The following CDH18 variants were observed in gnomAD, a reference collection of about 807,000 sequenced individuals.
CDH18 encodes cadherin-18.
In CDH18, 31 loss-of-function variants were observed where a neutral mutation model predicts 67.9. That is an observed-to-expected ratio of 0.46 (90% CI 0.34 to 0.62). The LOEUF is 0.62. Ranked by LOEUF, CDH18 falls within the 20% of genes least tolerant of loss-of-function variation. The pLI, the probability that CDH18 is intolerant of heterozygous loss-of-function variation, is 0.01. For synonymous variants in CDH18, 362 were observed against 347.2 expected, an observed-to-expected ratio of 1.04 and a Z score of -0.48; for missense variants, 890 against 975.5, an observed-to-expected ratio of 0.91 and a Z score of 1.17.
At chr5:19,875,438 A>C (rs200314753) in intron 2 of CDH18, among the ~76,000 whole-genome samples, 394 of 116,942 alleles carry the variant, frequency 3.4e-3, no homozygotes, top group African/African-American at 6.4e-3. Context: ...ATAGATAGAT[A>C]GATCGATCGA....
chr5:20,390,024 C>T (rs997574222), intron 1 of CDH18, among the ~76,000 whole-genome samples: 1 of 152,086 alleles, frequency 6.6e-6, no homozygotes, highest in Admixed American at 6.5e-5. Flanking sequence ...AGATCTAAAA[C>T]CATAAAAACC....
At chr5:19,608,981 T>C (rs1041440405) in intron 6 of CDH18, among the ~76,000 whole-genome samples, 1 of 151,952 alleles carries the variant, frequency 6.6e-6, no homozygotes, top group Non-Finnish European at 1.5e-5. Context: ...TAAACTTTCA[T>C]GTAAGGTATT....
chr5:20,478,847 GA>G (rs765396996), intron 1 of CDH18, among the ~76,000 whole-genome samples: 54 of 152,254 alleles, frequency 3.5e-4, no homozygotes, highest in Non-Finnish European at 6.8e-4. Context: ...CAGTCCCAGT[GA>G]TGATGGCCAC....
Position 19,503,040 on chromosome 5 carries a change from C to T in CDH18, c.1582G>A (p.Asp528Asn), listed in dbSNP as rs762170759. 6.2e-7 allele frequency: 1 copy of T among 1,612,904 alleles called. No individual in the cohort carries two copies. Among genetic ancestry groups the T allele is most frequent in the Middle Eastern group, 1.7e-4 (1 of 6,058 alleles). Reference sequence around the variant, plus strand: ...TTTGGATTTACAGGCAGGCGTTCATCAAGAAAGAAGTTAAACCTTGGTCCA... The same window carrying T: ...TTTGGATTTACAGGCAGGCGTTCATTAAGAAAGAAGTTAAACCTTGGTCCA... ...ANGPRFNFFLDERLPVNPNFT... is the reference protein window; with the variant it reads ...ANGPRFNFFLNERLPVNPNFT... Residue 528 changes from aspartate to asparagine, a missense_variant, in exon 11 of 13, where the codon GAT (aspartate) becomes AAT (asparagine). This residue lies in a region of CDH18 where 656 missense variants were observed against 668.1 expected (regional missense o/e 0.98). Coordinates refer to ENST00000382275, the MANE Select transcript of CDH18 (RefSeq NM_004934.5).
At chr5:19,592,131 G>T (rs1178755682) in intron 6 of CDH18, among the ~76,000 whole-genome samples, 3 of 151,876 alleles carry the variant, frequency 2.0e-5, no homozygotes, top group African/African-American at 7.2e-5. Context: ...GAATTAATGA[G>T]ATTTCACACA....
At chr5:20,482,426 C>A (rs1676972985) in intron 1 of CDH18, among the ~76,000 whole-genome samples, 1 of 151,998 alleles carries the variant, frequency 6.6e-6, no homozygotes, top group Admixed American at 6.6e-5. Flanking sequence ...CTTCCAAACT[C>A]ATTCTATGAG....
intron 3 of CDH18, among the ~76,000 whole-genome samples, chr5:19,763,562 G>A (rs1772654016): frequency 6.6e-6 from 1 of 152,124 alleles, no homozygotes; most frequent in Non-Finnish European, 1.5e-5. Flanking sequence ...TTTTGTTGAA[G>A]GTCTCAGCAG....
At chr5:19,897,144 A>G (rs1035233134) in intron 2 of CDH18, among the ~76,000 whole-genome samples, 1 of 152,140 alleles carries the variant, frequency 6.6e-6, no homozygotes, top group Non-Finnish European at 1.5e-5. Flanking sequence ...AATAGAATGA[A>G]AAAGCAATCT....
At chr5:19,764,436 A>C (rs1772800687) in intron 3 of CDH18, among the ~76,000 whole-genome samples, 1 of 152,104 alleles carries the variant, frequency 6.6e-6, no homozygotes, top group South Asian at 2.1e-4. Context: ...GCTAAAAATT[A>C]TAAATAATAA....
intron 5 of CDH18, among the ~76,000 whole-genome samples, chr5:19,673,713 T>C (rs1580806954): frequency 1.3e-5 from 2 of 152,082 alleles, no homozygotes; most frequent in South Asian, 2.1e-4. Context: ...GTAATTGGAA[T>C]GTTTAAAATG....
chr5:19,869,659 A>G (rs1046258219), intron 2 of CDH18, among the ~76,000 whole-genome samples: 1 of 152,168 alleles, frequency 6.6e-6, no homozygotes, highest in Non-Finnish European at 1.5e-5. Context: ...AAATGAGATC[A>G]TCCATTTTTT....
chr5:19,643,273 G>A (rs1180228977), intron 5 of CDH18, among the ~76,000 whole-genome samples: 1 of 152,092 alleles, frequency 6.6e-6, no homozygotes, highest in Non-Finnish European at 1.5e-5. Context: ...AAAACAATAT[G>A]AAGGTTTCTC....
At chr5:19,989,014 A>C (rs1310640096), upstream of CDH18, among the ~76,000 whole-genome samples, 1 of 152,178 alleles carries the variant, frequency 6.6e-6, no homozygotes, top group Non-Finnish European at 1.5e-5. Flanking sequence ...TCCAGAATAA[A>C]TTAAATCGAT....
intron 2 of CDH18, among the ~76,000 whole-genome samples, chr5:19,849,615 T>C (rs1561436942): frequency 2.2e-5 from 2 of 92,076 alleles, no homozygotes; most frequent in African/African-American, 6.1e-5. Flanking sequence ...TATACACGCA[T>C]ATATATATAA....
At chr5:20,130,531 A>C (rs1749187120) in intron 2 of CDH18, among the ~76,000 whole-genome samples, 1 of 151,926 alleles carries the variant, frequency 6.6e-6, no homozygotes, top group Admixed American at 6.6e-5. Flanking sequence ...TCATGGCAGC[A>C]ATCTAGACCA....
intron 3 of CDH18, among the ~76,000 whole-genome samples, chr5:19,748,124 A>AAAAAAAAAAAAAAAAAAAAAAAAAT: frequency 6.9e-6 from 1 of 143,970 alleles, no homozygotes; most frequent in African/African-American, 2.5e-5. Context: ...AAAAAAAAAA[A>AAAAAAAAAAAAAAAAAAAAAAAAAT]AAAAAAAAAG....
At chr5:19,602,574 T>C (rs1747313809) in intron 6 of CDH18, among the ~76,000 whole-genome samples, 1 of 151,538 alleles carries the variant, frequency 6.6e-6, no homozygotes, top group Non-Finnish European at 1.5e-5. Flanking sequence ...ATGACTAGTG[T>C]TGGTGAGGAT....
intron 6 of CDH18, among the ~76,000 whole-genome samples, chr5:19,598,933 T>G (rs2150057178): frequency 6.6e-6 from 1 of 152,210 alleles, no homozygotes; most frequent in South Asian, 2.1e-4. Context: ...TAACAAAGGG[T>G]TATTTATAAC....
chr5:20,270,662 TA>T (rs2126663135), intron 1 of CDH18, among the ~76,000 whole-genome samples: 1 of 152,226 alleles, frequency 6.6e-6, no homozygotes, highest in East Asian at 1.9e-4. Context: ...TAAATGATGC[TA>T]TTATAAAGAC....
Sources: gnomAD v4.1 joint callset for allele counts (sites outside exome capture counted in the v4.1 genomes callset) on GRCh38, gnomAD v4.1.1 for gene constraint, gnomAD v4.1.1 regional missense constraint, MANE v1.5 for transcripts, NCBI Gene and HGNC (gene_info 2026-07-23, HGNC 2026-07-21) for gene names.